SUMF1: variants seen among roughly 807,000 people sequenced by gnomAD.
The protein encoded by SUMF1 is sulfatase modifying factor 1.
A neutral mutation model predicts 47.6 loss-of-function variants in SUMF1; 48 were observed. The ratio of observed to expected loss-of-function variants is 1.01; its 90% CI spans 0.80 to 1.28. The LOEUF is 1.28. Among genes scored for constraint, SUMF1 ranks in the 50% most tolerant of loss-of-function variants. The pLI, the probability that SUMF1 is intolerant of heterozygous loss-of-function variation, is 0.00. For missense variants in SUMF1, 571 were observed against 485.4 expected (o/e 1.18, Z -1.66); for synonymous variants, 230 against 192.1 (o/e 1.20, Z -1.63).
At chr3:4,383,349 A>G (rs1003038656) in intron 7 of SUMF1, among the ~76,000 whole-genome samples, 1 of 152,248 alleles carries the variant, frequency 6.6e-6, no homozygotes, top group Non-Finnish European at 1.5e-5. Flanking sequence ...ACTGCACTCC[A>G]GCCTGGGCGA....
At chr3:4,186,521 T>C (rs1186247592) in intron 8 of SUMF1, among the ~76,000 whole-genome samples, 2 of 152,154 alleles carry the variant, frequency 1.3e-5, no homozygotes, top group African/African-American at 2.4e-5. Flanking sequence ...CCCACCATTT[T>C]TGTCAATAAG....
At chr3:4,387,766 AT>A (rs920249730) in intron 7 of SUMF1, among the ~76,000 whole-genome samples, 3 of 151,958 alleles carry the variant, frequency 2.0e-5, no homozygotes, top group African/African-American at 7.2e-5. Context: ...AAATTTTGAT[AT>A]GTTTCATTTT....
intron 9 of SUMF1, among the ~76,000 whole-genome samples, chr3:4,059,586 C>G (rs1163791734): frequency 6.6e-6 from 1 of 152,160 alleles, no homozygotes; most frequent in Non-Finnish European, 1.5e-5. Flanking sequence ...TCCATTCTAT[C>G]ATGTTATTCA....
At position 4,467,178 on chromosome 3, in the gene SUMF1, A is replaced by AG. The variant is rs1559320934; in HGVS notation, c.67dup (p.Leu23ProfsTer53). On this transcript the variant is annotated frameshift_variant, in exon 1 of 9. Coordinates refer to ENST00000272902, the MANE Select transcript of SUMF1 (RefSeq NM_182760.4). LOFTEE classifies it high-confidence loss of function. The stretch of plus-strand genomic sequence containing the variant: ...CGCTCCACACAGCAGCGAGAGCAGC[A>AG]GCAGCAAGAGGACGAGACCCAGCTC... The AG allele has an allele frequency of 6.2e-7, 1 of 1,609,586 alleles. No individual in the cohort carries two copies. The highest frequency in any genetic ancestry group is 8.5e-7 in the Non-Finnish European group (1 of 1,178,564).
intron 8 of SUMF1, among the ~76,000 whole-genome samples, chr3:4,371,115 A>T (rs1700153773): frequency 6.6e-6 from 1 of 152,220 alleles, no homozygotes; most frequent in Non-Finnish European, 1.5e-5. Flanking sequence ...CTAATAAAGC[A>T]CATAATTAAA....
intron 8 of SUMF1, among the ~76,000 whole-genome samples, chr3:4,100,003 A>C (rs1692996168): frequency 6.6e-6 from 1 of 151,696 alleles, no homozygotes; most frequent in Non-Finnish European, 1.5e-5. Context: ...GAAGAATTCA[A>C]TCTAATTTAA....
chr3:4,090,810 A>G (rs933679517), intron 8 of SUMF1, among the ~76,000 whole-genome samples: 1 of 152,134 alleles, frequency 6.6e-6, no homozygotes, highest in Non-Finnish European at 1.5e-5. Flanking sequence ...TCTTTCTTAA[A>G]TATATACATA....
chr3:4,105,580 G>A (rs1448637080), intron 8 of SUMF1, among the ~76,000 whole-genome samples: 8 of 151,974 alleles, frequency 5.3e-5, no homozygotes, highest in Non-Finnish European at 1.2e-4. Context: ...TTGGGTCCAG[G>A]TAATCTGGAA....
intron 8 of SUMF1, among the ~76,000 whole-genome samples, chr3:4,088,075 C>T (rs914883760): frequency 7.2e-5 from 11 of 152,030 alleles, no homozygotes; most frequent in African/African-American, 1.7e-4. Flanking sequence ...TAGGCTGATA[C>T]GTCAGTGAGA....
At chr3:4,314,558 C>T (rs560889187) in intron 8 of SUMF1, among the ~76,000 whole-genome samples, 1 of 116,998 alleles carries the variant, frequency 8.5e-6, no homozygotes, top group Non-Finnish European at 1.6e-5. Flanking sequence ...AAAAGAGACA[C>T]ATTGTAAATT....
At chr3:4,238,949 C>G (rs895246016) in intron 8 of SUMF1, among the ~76,000 whole-genome samples, 1 of 151,870 alleles carries the variant, frequency 6.6e-6, no homozygotes, top group African/African-American at 2.4e-5. Context: ...GTTAATTTTT[C>G]TATAAGGTGT....
Position 4,420,106 on chromosome 3 carries a change from T to G in SUMF1, c.560A>C (p.Asn187Thr). 1 of 1,614,116 alleles carries G rather than the reference T, an allele frequency of 6.2e-7. No individual in the cohort carries two copies. Among genetic ancestry groups the G allele is most frequent in the Non-Finnish European group, 8.5e-7 (1 of 1,180,012 alleles). ...GTCAGGCCCTTCTGGGTGTCTCCAGTTAGCGCCTTTCACAGGTAACCACCA... is the reference window on the plus strand; with the variant it reads ...GTCAGGCCCTTCTGGGTGTCTCCAGGTAGCGCCTTTCACAGGTAACCACCA... ...APWWLPVKGA[N>T]WRHPEGPDST... Residue 187 changes from asparagine (N) to threonine (T), a missense_variant, in exon 4 of 9, where the codon AAC (asparagine) becomes ACC (threonine). Physicochemically the swap from Asn to Thr is moderately conservative, Grantham distance 65. Coordinates refer to ENST00000272902, the MANE Select transcript of SUMF1 (RefSeq NM_182760.4).
intron 8 of SUMF1, among the ~76,000 whole-genome samples, chr3:4,239,937 A>C (rs1423054897): frequency 6.6e-6 from 1 of 151,920 alleles, no homozygotes; most frequent in Non-Finnish European, 1.5e-5. Flanking sequence ...TTTGAGACGC[A>C]TTCCATCCAT....
At chr3:4,303,669 T>C (rs1334569391) in intron 8 of SUMF1, 2 of 1,486,504 alleles carry the variant, frequency 1.3e-6, no homozygotes, top group Admixed American at 2.2e-5. Context: ...GGAATAGGTG[T>C]GCATGCCCCG....
chr3:4,198,612 C>A (rs1695479260), intron 8 of SUMF1, among the ~76,000 whole-genome samples: 4 of 152,070 alleles, frequency 2.6e-5, no homozygotes, highest in Admixed American at 2.6e-4. Context: ...CTGACAATGG[C>A]CCGACAAAAA....
intron 1 of SUMF1, among the ~76,000 whole-genome samples, chr3:4,459,179 A>G (rs2079744822): frequency 6.6e-6 from 1 of 152,228 alleles, no homozygotes; most frequent in South Asian, 2.1e-4. Context: ...TTATTAAAAA[A>G]TAGATTTTAA....
At chr3:4,287,661 GCA>G (rs1697659434) in intron 8 of SUMF1, among the ~76,000 whole-genome samples, 1 of 152,174 alleles carries the variant, frequency 6.6e-6, no homozygotes, top group South Asian at 2.1e-4. Context: ...CTAGTAATTT[GCA>G]CAGACATTGA....
intron 8 of SUMF1, among the ~76,000 whole-genome samples, chr3:4,289,412 C>T (rs750591504): frequency 2.6e-5 from 4 of 152,150 alleles, no homozygotes; most frequent in East Asian, 3.8e-4. Flanking sequence ...AGCAAGGAAC[C>T]GCACTGGGCC....
intron 8 of SUMF1, among the ~76,000 whole-genome samples, chr3:4,069,544 T>G (rs1249401721): frequency 6.6e-6 from 1 of 152,176 alleles, no homozygotes; most frequent in Admixed American, 6.5e-5. Flanking sequence ...GCTACCTATT[T>G]GCATACAGCA....
Sources: allele counts gnomAD v4.1 joint callset (sites outside exome capture counted in the v4.1 genomes callset), GRCh38; gene constraint gnomAD v4.1.1; transcripts MANE v1.5; gene names NCBI Gene and HGNC (gene_info 2026-07-23, HGNC 2026-07-21).